Variants in SENP7 observed in about 807,000 individuals in gnomAD.
SENP7 encodes the protein SUMO specific peptidase 7, also known as sentrin-specific protease 7.
A neutral mutation model predicts 141.2 loss-of-function variants in SENP7; 64 were observed. That is an observed-to-expected ratio of 0.45 (90% CI 0.37 to 0.56). SENP7 has a LOEUF of 0.56. SENP7 is among the 20% of genes least tolerant of loss of function. The probability of loss-of-function intolerance (pLI) is 0.00; values close to 1 mark genes in which losing one functional copy is unlikely to be tolerated. For missense variants in SENP7, 1,025 were observed against 1,212.2 expected (o/e 0.85, Z 2.29); for synonymous variants, 382 against 426.4 (o/e 0.90, Z 1.28).
At chr3:101,463,260 G>A (rs1356815794) in intron 3 of SENP7, among the ~76,000 whole-genome samples, 1 of 151,172 alleles carries the variant, frequency 6.6e-6, no homozygotes, top group Non-Finnish European at 1.5e-5. Context: ...GAGGCAGGAG[G>A]ATCACTTGAG....
At chr3:101,364,016 G>C (rs1365262492) in intron 10 of SENP7, among the ~76,000 whole-genome samples, 1 of 152,114 alleles carries the variant, frequency 6.6e-6, no homozygotes, top group African/African-American at 2.4e-5. Context: ...CCAGTAGTTA[G>C]AGACCAGCCT....
chr3:101,326,159 T>A, intron 23 of SENP7, 79 bp from the exon 24 acceptor site: 1 of 1,194,704 alleles, frequency 8.4e-7, no homozygotes, highest in South Asian at 1.8e-5. Flanking sequence ...TTATAAGAAA[T>A]GACAAATTGC....
chr3:101,366,670 G>T lies in SENP7; in HGVS notation c.1078C>A (p.Pro360Thr). Residue 360 changes from proline to threonine, a missense_variant, in exon 9 of 24, where the codon CCT becomes ACT. Physicochemically the swap from Pro to Thr is conservative, Grantham distance 38. Transcript: ENST00000394095. ...PKLPEEITTK[P>T]TKSDFTKLSS... ...AGTTTAGTAAAATCACTTTTTGTAG[G>T]TTTAGTTGTAATTTCTTCAGGCAGT... 1 of 1,613,464 alleles carries T rather than the reference G, an allele frequency of 6.2e-7. No individual in the cohort carries two copies. The highest frequency in any genetic ancestry group is 8.5e-7 in the Non-Finnish European group (1 of 1,179,654).
chr3:101,489,265 T>C (rs2064861142), intron 3 of SENP7, among the ~76,000 whole-genome samples: 1 of 152,176 alleles, frequency 6.6e-6, no homozygotes, highest in Non-Finnish European at 1.5e-5. Flanking sequence ...GTCAAGTCTA[T>C]ACAACAACCA....
chr3:101,364,232 G>GAAAGAAAGAAAGAAAT (rs2059977709), intron 10 of SENP7, among the ~76,000 whole-genome samples: 1 of 55,580 alleles, frequency 1.8e-5, no homozygotes, highest in Admixed American at 2.9e-4. Flanking sequence ...GTCTCAAAAA[G>GAAAGAAAGAAAGAAAT]AAAGAAAGAA....
At chr3:101,390,309 T>A (rs2060781856) in intron 6 of SENP7, among the ~76,000 whole-genome samples, 1 of 143,034 alleles carries the variant, frequency 7.0e-6, no homozygotes, top group African/African-American at 2.6e-5. Context: ...GTATGCTCCC[T>A]ACTCACGTCA....
At chr3:101,426,041 T>C (rs1033178665) in intron 4 of SENP7, among the ~76,000 whole-genome samples, 21 of 152,244 alleles carry the variant, frequency 1.4e-4, no homozygotes, top group Admixed American at 1.2e-3. Context: ...CTCACTAGTG[T>C]ACCTGAAAGA....
chr3:101,342,122 C>T (rs2059342448), intron 14 of SENP7, among the ~76,000 whole-genome samples: 1 of 151,818 alleles, frequency 6.6e-6, no homozygotes, highest in South Asian at 2.1e-4. Flanking sequence ...TAATGTAATT[C>T]CACTAAATGG....
intron 4 of SENP7, among the ~76,000 whole-genome samples, chr3:101,419,659 C>T (rs2061729278): frequency 6.6e-6 from 1 of 152,054 alleles, no homozygotes; most frequent in African/African-American, 2.4e-5. Context: ...TAGTCAGTTA[C>T]TGGTTGATTA....
chr3:101,381,810 C>T (rs2060510096), intron 6 of SENP7, among the ~76,000 whole-genome samples: 1 of 152,040 alleles, frequency 6.6e-6, no homozygotes, highest in African/African-American at 2.4e-5. Context: ...AAATTTATGA[C>T]ATAAAACATA....
At chr3:101,502,182 A>G (rs2065408133) in intron 1 of SENP7, among the ~76,000 whole-genome samples, 1 of 152,250 alleles carries the variant, frequency 6.6e-6, no homozygotes, top group Non-Finnish European at 1.5e-5. Context: ...GAGCATGATG[A>G]CTGGGTGTTC....
At chr3:101,496,935 GCTCT>G (rs1384857232) in intron 2 of SENP7, among the ~76,000 whole-genome samples, 1 of 152,202 alleles carries the variant, frequency 6.6e-6, no homozygotes, top group Non-Finnish European at 1.5e-5. Context: ...ATCCATCAAA[GCTCT>G]TATCCTTTTG....
intron 4 of SENP7, chr3:101,457,749 G>A: frequency 2.5e-6 from 2 of 792,936 alleles, no homozygotes; most frequent in Non-Finnish European, 4.2e-6. Context: ...GCAGATAAGG[G>A]GCCATGCAGA....
intron 19 of SENP7, 55 bp downstream of exon 19, chr3:101,331,930 A>G (rs900309586): frequency 6.4e-6 from 10 of 1,563,240 alleles, no homozygotes; most frequent in Non-Finnish European, 7.9e-6. Context: ...CTTCCCTGTA[A>G]CCATTAAATT....
intron 3 of SENP7, among the ~76,000 whole-genome samples, chr3:101,478,694 G>A (rs1025150387): frequency 2.6e-5 from 4 of 151,912 alleles, no homozygotes; most frequent in Non-Finnish European, 5.9e-5. Flanking sequence ...CTCATTCTAC[G>A]AAGTCATTCC....
chr3:101,450,392 C>G (rs910867484), intron 4 of SENP7, among the ~76,000 whole-genome samples: 3 of 152,194 alleles, frequency 2.0e-5, no homozygotes, highest in African/African-American at 7.2e-5. Context: ...CTCTCCACCC[C>G]CAATCAACAG....
At chr3:101,446,203 C>T (rs1017219734) in intron 4 of SENP7, among the ~76,000 whole-genome samples, 3 of 152,314 alleles carry the variant, frequency 2.0e-5, no homozygotes, top group Non-Finnish European at 4.4e-5. Context: ...CACCTTCTGC[C>T]ATGATTGTAA....
intron 1 of SENP7, among the ~76,000 whole-genome samples, chr3:101,508,851 C>T (rs1350641138): frequency 6.6e-6 from 1 of 152,200 alleles, no homozygotes; most frequent in Non-Finnish European, 1.5e-5. Flanking sequence ...ATAAAACTCA[C>T]ACTTGCTATA....
intron 1 of SENP7, among the ~76,000 whole-genome samples, chr3:101,509,970 GA>G (rs2065782876): frequency 1.3e-5 from 2 of 148,172 alleles, no homozygotes; most frequent in Admixed American, 1.3e-4. Flanking sequence ...AGTACTTAAA[GA>G]ACATACGTTA....
Sources: allele counts gnomAD v4.1 joint callset (sites outside exome capture counted in the v4.1 genomes callset), GRCh38; gene constraint gnomAD v4.1.1; transcripts MANE v1.5; gene names NCBI Gene and HGNC (gene_info 2026-07-23, HGNC 2026-07-21).